DCC: variants seen among roughly 807,000 people sequenced by gnomAD.
The protein encoded by DCC is netrin receptor DCC.
Under a neutral mutation model 172.5 loss-of-function variants are expected in DCC, and 58 were observed. The ratio of observed to expected loss-of-function variants is 0.34; its 90% CI spans 0.27 to 0.42. The LOEUF is 0.42. Ranked by LOEUF, DCC falls within the 10% of genes least tolerant of loss-of-function variation. The probability of loss-of-function intolerance (pLI) is 1.00; values close to 1 mark genes in which losing one functional copy is unlikely to be tolerated. For missense variants in DCC, 1,740 were observed against 1,791.0 expected, an observed-to-expected ratio of 0.97 and a Z score of 0.51; for synonymous variants, 709 against 644.5, an observed-to-expected ratio of 1.10 and a Z score of -1.52.
At chr18:52,392,795 A>G (rs1187105386) in intron 1 of DCC, among the ~76,000 whole-genome samples, 1 of 152,266 alleles carries the variant, frequency 6.6e-6, no homozygotes, top group East Asian at 1.9e-4. Flanking sequence ...CCAAGAAAAT[A>G]AAATATGGAA....
intron 27 of DCC, among the ~76,000 whole-genome samples, chr18:53,500,744 G>A (rs117622899): frequency 0.01 from 1,542 of 151,838 alleles, 10 homozygotes; most frequent in Admixed American, 0.017. Flanking sequence ...TGGTTGGGAC[G>A]CACGTTCCAC....
At chr18:52,483,165 A>G (rs2030039741) in intron 1 of DCC, among the ~76,000 whole-genome samples, 1 of 151,930 alleles carries the variant, frequency 6.6e-6, no homozygotes, top group Non-Finnish European at 1.5e-5. Flanking sequence ...GCCTTCCTCT[A>G]ATAAGGATGT....
intron 1 of DCC, among the ~76,000 whole-genome samples, chr18:52,532,617 G>T (rs1031262321): frequency 1.3e-5 from 2 of 152,106 alleles, no homozygotes; most frequent in African/African-American, 4.8e-5. Flanking sequence ...ATATGGGTGT[G>T]GGAAACCCTT....
At chr18:52,724,885 C>G (rs1185311253) in intron 1 of DCC, among the ~76,000 whole-genome samples, 1 of 152,186 alleles carries the variant, frequency 6.6e-6, no homozygotes, top group Admixed American at 6.5e-5. Context: ...GAAGCCTAAC[C>G]TTGGAAATGG....
chr18:53,455,943 A>G lies in DCC; in HGVS notation c.3393-3289A>G, dbSNP rs146359773. Among the ~76,000 whole-genome samples the G allele has an allele frequency of 9.1e-3, 1,391 of 152,368 alleles. 24 individuals are homozygous for G. The highest frequency in any genetic ancestry group is 0.027 in the Admixed American group (420 of 15,304). On this transcript the variant is annotated intron_variant, in intron 23 of 28. Transcript: ENST00000442544. ...CATAGTCAATCATCCATAAATATTG[A>G]TTGAATAAATAAATAAGTGTTGTAA... is the stretch of plus-strand genomic sequence containing the variant.
intron 5 of DCC, among the ~76,000 whole-genome samples, chr18:52,999,429 C>A (rs1466794664): frequency 6.6e-6 from 1 of 152,036 alleles, no homozygotes; most frequent in South Asian, 2.1e-4. Context: ...TTTGTGCACC[C>A]TTTCCTGTTT....
At chr18:52,428,701 C>T (rs1408105356) in intron 1 of DCC, among the ~76,000 whole-genome samples, 1 of 151,988 alleles carries the variant, frequency 6.6e-6, no homozygotes, top group African/African-American at 2.4e-5. Flanking sequence ...ACAGAGCAAG[C>T]CATGGAAATT....
intron 5 of DCC, among the ~76,000 whole-genome samples, chr18:53,050,855 A>C (rs1461793902): frequency 6.6e-6 from 1 of 152,152 alleles, no homozygotes; most frequent in African/African-American, 2.4e-5. Context: ...CAAAAAGGAA[A>C]AGAGATATAT....
At chr18:53,119,196 C>A (rs1291261161) in intron 7 of DCC, among the ~76,000 whole-genome samples, 1 of 151,818 alleles carries the variant, frequency 6.6e-6, no homozygotes, top group African/African-American at 2.4e-5. Flanking sequence ...TCAAGATCTG[C>A]TTCTGGAAGC....
chr18:53,035,412 G>A (rs982722977), intron 5 of DCC, among the ~76,000 whole-genome samples: 1 of 151,958 alleles, frequency 6.6e-6, no homozygotes, highest in Non-Finnish European at 1.5e-5. Context: ...TTTTAGATAT[G>A]GTCTAAAGAT....
intron 25 of DCC, among the ~76,000 whole-genome samples, chr18:53,468,367 A>ATTTATTTATTTATTTATTTAT (rs1568151601): frequency 1.6e-4 from 21 of 129,562 alleles, no homozygotes; most frequent in African/African-American, 5.7e-4. Flanking sequence ...TATTTATTTT[A>ATTTATTTATTTATTTATTTAT]TTTATTTATT....
intron 1 of DCC, among the ~76,000 whole-genome samples, chr18:52,734,559 G>A (rs1477018772): frequency 6.6e-6 from 1 of 152,070 alleles, no homozygotes; most frequent in Non-Finnish European, 1.5e-5. Context: ...ATCCATGAAT[G>A]CCTTTAATCT....
intron 1 of DCC, among the ~76,000 whole-genome samples, chr18:52,652,961 C>A (rs2035171925): frequency 6.6e-6 from 1 of 152,036 alleles, no homozygotes; most frequent in Non-Finnish European, 1.5e-5. Context: ...AAGAATGATG[C>A]AGGGGAAAGG....
chr18:52,461,029 A>T (rs896213450), intron 1 of DCC, among the ~76,000 whole-genome samples: 1 of 152,206 alleles, frequency 6.6e-6, no homozygotes, highest in African/African-American at 2.4e-5. Context: ...TAAACTTTTA[A>T]TTTTTTTAAC....
rs1983586606 is a variant in DCC at position 52,340,667 on chromosome 18, A to G, written c.-121A>G. ...AAAGAGGTGGAGGAAGAGGACGAGG[A>G]GGAGGAGGAAGCCGAAGGGGCTCGG... On this transcript the variant is annotated 5_prime_UTR_variant, in exon 1 of 29. Transcript: ENST00000442544. 1 of 789,180 alleles carries G rather than the reference A, an allele frequency of 1.3e-6. No individual in the cohort carries two copies. The highest frequency in any genetic ancestry group is 1.3e-5 in the South Asian group (1 of 74,286). 48.9% of individuals were successfully genotyped at this position (789,180 alleles called of 1,614,324 possible). A position where few individuals can be genotyped will look rare whatever the true frequency, so the allele number is the denominator to read the frequency against.
chr18:52,783,854 A>G (rs2037602431), intron 2 of DCC, among the ~76,000 whole-genome samples: 1 of 152,026 alleles, frequency 6.6e-6, no homozygotes. Flanking sequence ...TACATATCAT[A>G]TTTTGATATA....
chr18:53,150,982 G>T (rs1419112566), intron 7 of DCC, among the ~76,000 whole-genome samples: 2 of 152,178 alleles, frequency 1.3e-5, no homozygotes, highest in African/African-American at 4.8e-5. Flanking sequence ...GGAGGTGGCA[G>T]CAAATGCATC....
At chr18:52,626,692 C>T (rs2034579948) in intron 1 of DCC, among the ~76,000 whole-genome samples, 3 of 152,118 alleles carry the variant, frequency 2.0e-5, no homozygotes. Context: ...ATTTAACCAA[C>T]AGTAAATTTG....
chr18:52,783,690 G>A (rs1366284973), intron 2 of DCC, among the ~76,000 whole-genome samples: 1 of 150,938 alleles, frequency 6.6e-6, no homozygotes, highest in Non-Finnish European at 1.5e-5. Context: ...ATATGTGTAT[G>A]TATTATATAT....
Sources: gnomAD v4.1 joint callset for allele counts (sites outside exome capture counted in the v4.1 genomes callset) on GRCh38, gnomAD v4.1.1 for gene constraint, MANE v1.5 for transcripts, NCBI Gene and HGNC (gene_info 2026-07-23, HGNC 2026-07-21) for gene names.